CSMD1: variants seen among roughly 807,000 people sequenced by gnomAD.
CSMD1 encodes CUB and Sushi multiple domains 1.
In CSMD1, 213 loss-of-function variants were observed where a neutral mutation model predicts 417.5. The ratio of observed to expected loss-of-function variants is 0.51; its 90% CI spans 0.46 to 0.57. The LOEUF is 0.57. CSMD1 is among the 20% of genes least tolerant of loss of function. CSMD1 has a pLI of 0.00. For synonymous variants in CSMD1, 2,862 were observed against 1,736.8 expected, an observed-to-expected ratio of 1.65 and a Z score of -16.11; for missense variants, 6,923 against 4,529.7, an observed-to-expected ratio of 1.53 and a Z score of -15.17.
chr8:4,802,708 T>C (rs952023526), intron 1 of CSMD1, among the ~76,000 whole-genome samples: 1 of 152,188 alleles, frequency 6.6e-6, no homozygotes, highest in Admixed American at 6.5e-5. Flanking sequence ...TTTCTTGTTT[T>C]GATATTATCT....
chr8:3,453,961 GT>G (rs1353424012), intron 12 of CSMD1, among the ~76,000 whole-genome samples: 1 of 152,064 alleles, frequency 6.6e-6, no homozygotes, highest in Non-Finnish European at 1.5e-5. Flanking sequence ...CTCTTTGTAG[GT>G]CTCTAAGGAC....
Position 3,223,818 on chromosome 8 carries a change from G to T in CSMD1, c.4395C>A (p.Pro1465=). ...CAGGAGGATACGGCTGTGGGTAGTT[G>T]GGTGACAAAATAACACCTGCTGGGC... ...LTGPAGVILS[P]NYPQPYPPGK... Residue 1465 remains proline (P), a synonymous_variant, in exon 28 of 70, where the codon CCC becomes CCA. Coordinates refer to ENST00000635120, the MANE Select transcript of CSMD1 (RefSeq NM_033225.6). 2 of 1,613,826 alleles carry T rather than the reference G, an allele frequency of 1.2e-6. No individual in the cohort carries two copies. Among genetic ancestry groups the T allele is most frequent in the East Asian group, 2.2e-5 (1 of 44,856 alleles).
At chr8:4,117,120 T>C (rs1159523002) in intron 3 of CSMD1, among the ~76,000 whole-genome samples, 1 of 151,912 alleles carries the variant, frequency 6.6e-6, no homozygotes, top group African/African-American at 2.4e-5. Flanking sequence ...TTTTTCTTGC[T>C]GCCACATTCT....
chr8:4,052,562 C>T (rs1310664289), intron 3 of CSMD1, among the ~76,000 whole-genome samples: 2 of 151,966 alleles, frequency 1.3e-5, no homozygotes, highest in Non-Finnish European at 2.9e-5. Flanking sequence ...AGGAAGCAAG[C>T]TGAGAAAATC....
At chr8:3,519,476 T>C (rs7839909) in intron 10 of CSMD1, among the ~76,000 whole-genome samples, 36,098 of 152,040 alleles carry the variant, frequency 0.24, 5,760 homozygotes, top group African/African-American at 0.44. Context: ...AGGCTCACAA[T>C]TGAGACTACA....
At chr8:4,434,762 A>G (rs963829314) in intron 2 of CSMD1, among the ~76,000 whole-genome samples, 1 of 152,162 alleles carries the variant, frequency 6.6e-6, no homozygotes, top group Non-Finnish European at 1.5e-5. Flanking sequence ...TAGACTGTCA[A>G]ATACACACCC....
At chr8:4,413,881 G>A (rs1025079480) in intron 3 of CSMD1, among the ~76,000 whole-genome samples, 1 of 152,104 alleles carries the variant, frequency 6.6e-6, no homozygotes, top group Non-Finnish European at 1.5e-5. Flanking sequence ...AGGATACCTG[G>A]GTTTACCAGT....
intron 10 of CSMD1, among the ~76,000 whole-genome samples, chr8:3,519,116 G>C (rs983367902): frequency 1.1e-4 from 16 of 152,086 alleles, no homozygotes; most frequent in African/African-American, 3.1e-4. Flanking sequence ...GCAAATATTT[G>C]GGTACTGCAC....
chr8:3,761,342 T>C (rs1391016294), intron 5 of CSMD1, among the ~76,000 whole-genome samples: 1 of 152,076 alleles, frequency 6.6e-6, no homozygotes, highest in East Asian at 1.9e-4. Flanking sequence ...TTACCAATAT[T>C]TCTAGAAATT....
At chr8:3,573,977 T>C (rs538390266) in intron 10 of CSMD1, among the ~76,000 whole-genome samples, 177 of 152,274 alleles carry the variant, frequency 1.2e-3, no homozygotes, top group Non-Finnish European at 2.0e-3. Context: ...GTTAAAAAAA[T>C]TCATTTGATA....
chr8:3,813,689 C>G (rs902975440), intron 5 of CSMD1, among the ~76,000 whole-genome samples: 1 of 152,118 alleles, frequency 6.6e-6, no homozygotes, highest in Non-Finnish European at 1.5e-5. Flanking sequence ...CCTGTACTTT[C>G]CAATATTCAA....
At chr8:3,804,162 C>A (rs530800380) in intron 5 of CSMD1, among the ~76,000 whole-genome samples, 1 of 152,174 alleles carries the variant, frequency 6.6e-6, no homozygotes, top group South Asian at 2.1e-4. Context: ...GAACTCCCGA[C>A]CCCAGGTGAT....
chr8:3,762,033 T>C (rs766119735), intron 5 of CSMD1, among the ~76,000 whole-genome samples: 2 of 152,136 alleles, frequency 1.3e-5, no homozygotes, highest in Non-Finnish European at 2.9e-5. Context: ...GCTTTTTCCT[T>C]GTGCCCTCCT....
chr8:4,851,649 T>C (rs1171460532), intron 1 of CSMD1, among the ~76,000 whole-genome samples: 2 of 152,118 alleles, frequency 1.3e-5, no homozygotes, highest in Non-Finnish European at 2.9e-5. Flanking sequence ...ACCTGACTTC[T>C]CAATGTCTCC....
chr8:3,455,519 T>C (rs1216933779), intron 12 of CSMD1, among the ~76,000 whole-genome samples: 1 of 152,214 alleles, frequency 6.6e-6, no homozygotes, highest in Non-Finnish European at 1.5e-5. Context: ...TTTGTTAGTT[T>C]TCCTTCTAAC....
At chr8:4,898,948 C>T (rs1456290260) in intron 1 of CSMD1, among the ~76,000 whole-genome samples, 2 of 151,980 alleles carry the variant, frequency 1.3e-5, no homozygotes. Context: ...TCTGAGATTA[C>T]AGTTATAAAA....
intron 5 of CSMD1, among the ~76,000 whole-genome samples, chr8:3,873,599 G>C (rs1323380171): frequency 2.0e-5 from 3 of 151,958 alleles, no homozygotes; most frequent in Non-Finnish European, 4.4e-5. Context: ...AATAACTAAT[G>C]GGTACTCGGC....
At chr8:4,333,143 T>A (rs188079804) in intron 3 of CSMD1, among the ~76,000 whole-genome samples, 1 of 152,124 alleles carries the variant, frequency 6.6e-6, no homozygotes, top group Non-Finnish European at 1.5e-5. Flanking sequence ...CAACACCTGA[T>A]TGAACATAAG....
At chr8:3,642,681 A>G (rs1252300923) in intron 7 of CSMD1, among the ~76,000 whole-genome samples, 1 of 152,172 alleles carries the variant, frequency 6.6e-6, no homozygotes, top group African/African-American at 2.4e-5. Context: ...GGCTTATAGG[A>G]AAGAGGATAC....
Sources: allele counts gnomAD v4.1 joint callset (sites outside exome capture counted in the v4.1 genomes callset), GRCh38; gene constraint gnomAD v4.1.1; transcripts MANE v1.5; gene names NCBI Gene and HGNC (gene_info 2026-07-23, HGNC 2026-07-21).